Variants in RBFOX1 observed in about 807,000 individuals in gnomAD.
The protein encoded by RBFOX1 is RNA binding protein fox-1 homolog 1.
RBFOX1 carries 8 observed loss-of-function variants against 57.7 expected under a neutral mutation model. The ratio of observed to expected loss-of-function variants is 0.14; its 90% CI spans 0.08 to 0.25. The LOEUF (loss-of-function observed/expected upper bound fraction) is 0.25, where lower values mean the gene tolerates loss of function less well. RBFOX1 is among the 10% of genes least tolerant of loss of function. The pLI is 1.00. For missense variants in RBFOX1, 611 were observed against 548.5 expected, an observed-to-expected ratio of 1.11 and a Z score of -1.14; for synonymous variants, 326 against 222.4, an observed-to-expected ratio of 1.47 and a Z score of -4.15.
intron 1 of RBFOX1, among the ~76,000 whole-genome samples, chr16:5,354,059 C>G (rs746189896): frequency 7.0e-5 from 8 of 114,706 alleles, no homozygotes; most frequent in Non-Finnish European, 1.4e-4. Flanking sequence ...TCCAGAAAGG[C>G]TGCTGGGAGG....
intron 3 of RBFOX1, among the ~76,000 whole-genome samples, chr16:6,972,743 C>G (rs753860887): frequency 5.3e-5 from 8 of 151,910 alleles, no homozygotes; most frequent in Non-Finnish European, 1.2e-4. Context: ...GTGGGAGACT[C>G]CAGGGGAAAC....
At chr16:7,416,394 C>T (rs934150104) in intron 4 of RBFOX1, among the ~76,000 whole-genome samples, 1 of 152,180 alleles carries the variant, frequency 6.6e-6, no homozygotes, top group African/African-American at 2.4e-5. Context: ...GTTCTTCTCT[C>T]TCATGCTTAC....
intron 1 of RBFOX1, among the ~76,000 whole-genome samples, chr16:6,223,222 G>A (rs1353581975): frequency 6.6e-6 from 1 of 151,272 alleles, no homozygotes; most frequent in African/African-American, 2.4e-5. Flanking sequence ...ACCCAGTAAT[G>A]GGATGGCTGG....
chr16:5,684,492 AG>A, intron 3 of RBFOX1, among the ~76,000 whole-genome samples: 1 of 152,266 alleles, frequency 6.6e-6, no homozygotes, highest in Non-Finnish European at 1.5e-5. Flanking sequence ...TTCCTTGTGT[AG>A]GTTTGTGTGT....
At chr16:7,003,992 T>G (rs1430891157) in intron 3 of RBFOX1, 5 of 142,116 alleles carry the variant, frequency 3.5e-5, no homozygotes, top group African/African-American at 1.6e-4. Flanking sequence ...TGAGGGGTTT[T>G]TTTTTTTTTT....
At chr16:6,778,155 G>T (rs2079706175) in intron 3 of RBFOX1, among the ~76,000 whole-genome samples, 1 of 152,128 alleles carries the variant, frequency 6.6e-6, no homozygotes, top group Non-Finnish European at 1.5e-5. Flanking sequence ...GGCTTCATGA[G>T]AATCGAATTT....
chr16:7,247,708 A>G (rs1005815433), intron 4 of RBFOX1, among the ~76,000 whole-genome samples: 1 of 152,250 alleles, frequency 6.6e-6, no homozygotes, highest in Non-Finnish European at 1.5e-5. Flanking sequence ...AATACGGGAA[A>G]CATAGCCTCT....
At chr16:5,865,919 A>G (rs2057334151) in intron 3 of RBFOX1, among the ~76,000 whole-genome samples, 2 of 151,770 alleles carry the variant, frequency 1.3e-5, no homozygotes, top group South Asian at 2.1e-4. Flanking sequence ...AGAGAGAGGG[A>G]GAGAGGGAGA....
At chr16:5,420,669 G>C (rs1325184211) in intron 1 of RBFOX1, among the ~76,000 whole-genome samples, 2 of 152,094 alleles carry the variant, frequency 1.3e-5, no homozygotes, top group Non-Finnish European at 2.9e-5. Flanking sequence ...GAGTTGCTGG[G>C]ACTACAGGCG....
chr16:5,826,221 C>G (rs1043324328), intron 3 of RBFOX1, among the ~76,000 whole-genome samples: 6 of 150,628 alleles, frequency 4.0e-5, no homozygotes, highest in South Asian at 2.1e-4. Flanking sequence ...ATGAATATTA[C>G]TTACTCATTT....
At chr16:5,362,982 G>T (rs907947475) in intron 1 of RBFOX1, among the ~76,000 whole-genome samples, 1 of 150,420 alleles carries the variant, frequency 6.6e-6, no homozygotes, top group Non-Finnish European at 1.5e-5. Flanking sequence ...GTATAATGCC[G>T]TAGTAAACAT....
In RBFOX1 at chr16:7,653,925, C is replaced by A; in HGVS notation, c.868C>A (p.Pro290Thr). Residue 290 changes from proline (P) to threonine (T), a missense_variant, in exon 12 of 16, where the codon CCC becomes ACC. This residue lies in a region of RBFOX1 where 267 missense variants were observed against 229.1 expected (regional missense o/e 1.17). Transcript: ENST00000550418. Reference sequence around the variant, plus strand: ...CACCTTCAGGGCCGCGGCGCCCCCGCCCCCGATCCCGGCCTACGGCGGGTA... The same window carrying A: ...CACCTTCAGGGCCGCGGCGCCCCCGACCCCGATCCCGGCCTACGGCGGGTA... ...YNTFRAAAPP[P>T]PIPAYGGVVY... 8 of 1,556,930 alleles carry A rather than the reference C, an allele frequency of 5.1e-6. No individual in the cohort carries two copies. Among genetic ancestry groups the A allele is most frequent in the Non-Finnish European group, 6.9e-6 (8 of 1,158,462 alleles).
At chr16:7,087,172 T>C (rs1006934791) in intron 4 of RBFOX1, among the ~76,000 whole-genome samples, 3 of 152,136 alleles carry the variant, frequency 2.0e-5, no homozygotes, top group Non-Finnish European at 4.4e-5. Flanking sequence ...GGAAGCCGGG[T>C]TGCTGCACAT....
At chr16:5,588,035 C>A (rs1381146674) in intron 2 of RBFOX1, among the ~76,000 whole-genome samples, 1 of 152,098 alleles carries the variant, frequency 6.6e-6, no homozygotes, top group Non-Finnish European at 1.5e-5. Context: ...ATAAAAAAGG[C>A]CTGCATCCCT....
intron 1 of RBFOX1, among the ~76,000 whole-genome samples, chr16:6,079,453 A>ATG (rs1029310676): frequency 6.6e-6 from 1 of 152,134 alleles, no homozygotes; most frequent in Non-Finnish European, 1.5e-5. Flanking sequence ...CTGGGACCAC[A>ATG]TGTGTGTGCC....
At chr16:6,953,099 G>A (rs964588175) in intron 3 of RBFOX1, among the ~76,000 whole-genome samples, 1 of 152,110 alleles carries the variant, frequency 6.6e-6, no homozygotes, top group Non-Finnish European at 1.5e-5. Flanking sequence ...AACAAAGAAG[G>A]CTTGAAGGTC....
At chr16:5,582,345 A>G (rs1023944930) in intron 2 of RBFOX1, among the ~76,000 whole-genome samples, 4 of 152,122 alleles carry the variant, frequency 2.6e-5, no homozygotes, top group Non-Finnish European at 5.9e-5. Flanking sequence ...CCTTCCACAC[A>G]GGGCATTGGA....
chr16:7,189,520 C>T (rs2084817310), intron 4 of RBFOX1, among the ~76,000 whole-genome samples: 1 of 145,656 alleles, frequency 6.9e-6, no homozygotes, highest in African/African-American at 2.5e-5. Context: ...GTTTAGAATA[C>T]ATTGCCCCCA....
At chr16:5,522,968 A>T (rs933900956) in intron 2 of RBFOX1, among the ~76,000 whole-genome samples, 1 of 139,404 alleles carries the variant, frequency 7.2e-6, no homozygotes, top group Non-Finnish European at 1.5e-5. Flanking sequence ...TTGATTCTAT[A>T]GGCTGTTGTG....
Sources: gnomAD v4.1 joint callset for allele counts (sites outside exome capture counted in the v4.1 genomes callset) on GRCh38, gnomAD v4.1.1 for gene constraint, gnomAD v4.1.1 regional missense constraint, MANE v1.5 for transcripts, NCBI Gene and HGNC (gene_info 2026-07-23, HGNC 2026-07-21) for gene names.